OTOGL: variants seen among roughly 807,000 people sequenced by gnomAD.
OTOGL encodes the protein otogelin like.
A neutral mutation model predicts 318.5 loss-of-function variants in OTOGL; 285 were observed. The ratio of observed to expected loss-of-function variants is 0.89; its 90% CI spans 0.81 to 0.99. The LOEUF (loss-of-function observed/expected upper bound fraction) is 0.99. Among genes scored for constraint, OTOGL ranks in the 50% least tolerant of loss-of-function variants. OTOGL has a pLI of 0.00. For synonymous variants in OTOGL, 987 were observed against 936.5 expected, an observed-to-expected ratio of 1.05 and a Z score of -0.99; for missense variants, 2,899 against 2,845.6, an observed-to-expected ratio of 1.02 and a Z score of -0.43.
chr12:80,271,831 A>G (rs761509158), intron 24 of OTOGL, 21 bp downstream of exon 24: 12 of 1,595,484 alleles, frequency 7.5e-6, no homozygotes, highest in Non-Finnish European at 1.0e-5. Context: ...TCTTCATAAT[A>G]CAGAACATTC....
chr12:80,263,573 G>A (rs929095727), intron 19 of OTOGL, among the ~76,000 whole-genome samples: 2 of 151,900 alleles, frequency 1.3e-5, no homozygotes, highest in Non-Finnish European at 2.9e-5. Flanking sequence ...TTGAAAATAA[G>A]CCTGTGAACT....
At chr12:80,287,495 G>A (rs1438830198) in intron 26 of OTOGL, among the ~76,000 whole-genome samples, 1 of 148,130 alleles carries the variant, frequency 6.8e-6, no homozygotes, top group Non-Finnish European at 1.5e-5. Context: ...TTGACAGTGG[G>A]GTGTTAAAGT....
rs192323656 is a variant in OTOGL, at chr12:80,293,665, T to C, written c.2929-3162T>C. 6.4e-3 allele frequency among the ~76,000 whole-genome samples: 981 copies of C among 152,292 alleles called. 10 individuals are homozygous for C. The highest frequency in any genetic ancestry group is 0.022 in the African/African-American group (931 of 41,556). On this transcript the variant is annotated intron_variant, in intron 26 of 58. Coordinates refer to ENST00000547103, the MANE Select transcript of OTOGL (RefSeq NM_001378609.3). ...CTTCCTCATATGTTCAGCTTTTTTT[T>C]TTTTACCTGGTCAGCTCCTACTCTT...
intron 43 of OTOGL, among the ~76,000 whole-genome samples, chr12:80,340,969 G>A (rs1229261121): frequency 3.6e-5 from 5 of 140,330 alleles, no homozygotes; most frequent in East Asian, 2.0e-4. Flanking sequence ...TTAATTGCAC[G>A]TAGTACCCTG....
At chr12:80,235,048 G>A (rs944415574) in intron 9 of OTOGL, among the ~76,000 whole-genome samples, 1 of 152,116 alleles carries the variant, frequency 6.6e-6, no homozygotes, top group Admixed American at 6.5e-5. Context: ...TTAGGAAGCA[G>A]GGTTTTGGAT....
chr12:80,316,206 T>C (rs547277116), intron 32 of OTOGL, among the ~76,000 whole-genome samples: 1 of 152,304 alleles, frequency 6.6e-6, no homozygotes, highest in African/African-American at 2.4e-5. Context: ...GCCTACTGTA[T>C]GGTTAATACA....
chr12:80,135,269 C>T, intron 1 of OTOGL, among the ~76,000 whole-genome samples: 1 of 128,212 alleles, frequency 7.8e-6, no homozygotes, highest in South Asian at 3.0e-4. Flanking sequence ...CCTCCCCTCC[C>T]CTCCCCTCCC....
In OTOGL at chr12:80,356,863, T is replaced by C; in HGVS notation, c.5968T>C (p.Phe1990Leu). Residue 1990 changes from phenylalanine (F) to leucine (L), a missense_variant, in exon 49 of 59, where the codon TTC (phenylalanine) becomes CTC (leucine). Coordinates refer to ENST00000547103, the MANE Select transcript of OTOGL (RefSeq NM_001378609.3). ...AACACCAGAATGCAGAGAAGATCAA[T>C]TCATGATTCAAGTTCGACAGGAAGA... The part of the protein sequence containing the change: ...ISTPECREDQ[F>L]MIQVRQEEPC... 1.2e-6 allele frequency: 2 copies of C among 1,600,294 alleles called. No individual in the cohort carries two copies. Among genetic ancestry groups the C allele is most frequent in the Non-Finnish European group, 1.7e-6 (2 of 1,173,136 alleles).
At chr12:80,143,748 G>C (rs936143984) in intron 1 of OTOGL, among the ~76,000 whole-genome samples, 1 of 152,122 alleles carries the variant, frequency 6.6e-6, no homozygotes, top group African/African-American at 2.4e-5. Context: ...ATGGCATAAA[G>C]GAGGCCATCA....
intron 1 of OTOGL, among the ~76,000 whole-genome samples, chr12:80,169,471 G>A (rs1000043924): frequency 2.6e-5 from 4 of 152,076 alleles, no homozygotes; most frequent in Admixed American, 2.6e-4. Context: ...ACTAATTAAG[G>A]TCACACATTC....
intron 37 of OTOGL, among the ~76,000 whole-genome samples, chr12:80,331,638 C>A (rs1169160774): frequency 6.6e-6 from 1 of 152,076 alleles, no homozygotes; most frequent in African/African-American, 2.4e-5. Flanking sequence ...CCGTGCCCGG[C>A]CAGAAATATT....
chr12:80,235,877 A>G (rs922308407), intron 9 of OTOGL, among the ~76,000 whole-genome samples: 1 of 152,200 alleles, frequency 6.6e-6, no homozygotes, highest in Non-Finnish European at 1.5e-5. Flanking sequence ...ACTTAAAACA[A>G]CTTTGACAAG....
At chr12:80,315,664 G>C (rs576157852) in intron 32 of OTOGL, among the ~76,000 whole-genome samples, 36 of 152,242 alleles carry the variant, frequency 2.4e-4, no homozygotes, top group African/African-American at 7.9e-4. Flanking sequence ...CAGGTGGCTT[G>C]TTGGAGAAAT....
In OTOGL at chr12:80,338,044, G is replaced by A. The variant is rs184634793; in HGVS notation, c.4861-1031G>A. Among the ~76,000 whole-genome samples the A allele has an allele frequency of 1.6e-3, 240 of 152,108 alleles. 5 individuals are homozygous for A. The highest frequency in any genetic ancestry group is 5.5e-3 in the African/African-American group (229 of 41,532). ...ACTGATCATTCACTGGTCAGGCACT[G>A]TATTCAGCTAATAACAAGTTATTTT... On this transcript the variant is annotated intron_variant, in intron 42 of 58. Transcript: ENST00000547103.
intron 37 of OTOGL, among the ~76,000 whole-genome samples, chr12:80,332,750 G>A (rs1466182498): frequency 6.6e-6 from 1 of 152,176 alleles, no homozygotes; most frequent in African/African-American, 2.4e-5. Flanking sequence ...GTGATTAAAA[G>A]CCAAATTTCT....
At chr12:80,262,874 A>C in intron 19 of OTOGL, among the ~76,000 whole-genome samples, 1 of 152,232 alleles carries the variant, frequency 6.6e-6, no homozygotes, top group East Asian at 1.9e-4. Flanking sequence ...TTTTCCTTTA[A>C]TCATCTTGGC....
At chr12:80,141,814 A>C (rs1393674406) in intron 1 of OTOGL, among the ~76,000 whole-genome samples, 1 of 152,208 alleles carries the variant, frequency 6.6e-6, no homozygotes, top group East Asian at 1.9e-4. Flanking sequence ...ATTGATAAGT[A>C]TGATTTTCTA....
chr12:80,368,353 A>G, intron 55 of OTOGL, 44 bp downstream of exon 55: 1 of 1,459,238 alleles, frequency 6.9e-7, no homozygotes, highest in Non-Finnish European at 9.4e-7. Flanking sequence ...TTTCTGAAGG[A>G]GGAGTTCTTG....
chr12:80,170,714 G>T (rs1412696614), intron 1 of OTOGL, among the ~76,000 whole-genome samples: 2 of 152,094 alleles, frequency 1.3e-5, no homozygotes, highest in South Asian at 2.1e-4. Flanking sequence ...GATTACAGGC[G>T]TGAGCCACTG....
Sources: allele counts gnomAD v4.1 joint callset (sites outside exome capture counted in the v4.1 genomes callset), GRCh38; gene constraint gnomAD v4.1.1; transcripts MANE v1.5; gene names NCBI Gene and HGNC (gene_info 2026-07-23, HGNC 2026-07-21).